The following TNS3 variants were observed in gnomAD, a reference collection of about 807,000 sequenced individuals.
TNS3 encodes tensin 3, also known as tensin-3.
TNS3 carries 45 observed loss-of-function variants against 140.9 expected under a neutral mutation model. The ratio of observed to expected loss-of-function variants is 0.32; its 90% CI spans 0.25 to 0.41. The LOEUF (loss-of-function observed/expected upper bound fraction) is 0.41, where lower values mean the gene tolerates loss of function less well. TNS3 is among the 10% of genes least tolerant of loss of function. The pLI, the probability that TNS3 is intolerant of heterozygous loss-of-function variation, is 1.00. For synonymous variants in TNS3, 815 were observed against 788.4 expected (o/e 1.03, Z -0.56); for missense variants, 1,716 against 1,906.7 (o/e 0.90, Z 1.86).
chr7:47,346,197 T>A lies in TNS3; in HGVS notation c.2441A>T (p.Asp814Val). The change falls in exon 18 of 31, where the codon GAC (aspartate) becomes GTC (valine). Residue 814 changes from aspartate to valine, a missense_variant. Around this residue, in one of 3 missense-constraint regions of TNS3, gnomAD observed 1,163 missense variants for 1,182.1 expected, o/e 0.98. Transcript: ENST00000311160. ...GGCTGTGGCACATACCTCTTTGACG[T>A]CCGCTGGTGAGGGGAATGGCGGCAG... is the stretch of plus-strand genomic sequence containing the variant. ...PNLPPFPSPA[D>V]VKETMTPGYP... 1 of 1,614,004 alleles carries A rather than the reference T, an allele frequency of 6.2e-7. No individual in the cohort carries two copies. Among genetic ancestry groups the A allele is most frequent in the Non-Finnish European group, 8.5e-7 (1 of 1,179,894 alleles).
chr7:47,580,657 T>C (rs897211101), intron 1 of TNS3, among the ~76,000 whole-genome samples: 8 of 145,844 alleles, frequency 5.5e-5, no homozygotes, highest in African/African-American at 1.5e-4. Flanking sequence ...CCTTTCTTAA[T>C]ACTTGTTGAT....
At chr7:47,567,889 A>G (rs1800465943) in intron 1 of TNS3, among the ~76,000 whole-genome samples, 4 of 152,170 alleles carry the variant, frequency 2.6e-5, no homozygotes, top group Admixed American at 2.0e-4. Context: ...CGTAGGTAAC[A>G]TCGATCAGTA....
At chr7:47,447,134 C>T (rs1191399777) in intron 4 of TNS3, among the ~76,000 whole-genome samples, 1 of 150,084 alleles carries the variant, frequency 6.7e-6, no homozygotes, top group Non-Finnish European at 1.5e-5. Flanking sequence ...GGATCAAACA[C>T]TTGGAGGTCA....
chr7:47,290,058 G>T (rs1349613689), intron 27 of TNS3, among the ~76,000 whole-genome samples: 6 of 152,172 alleles, frequency 3.9e-5, no homozygotes, highest in Middle Eastern at 3.2e-3. Context: ...GTCAATTAAA[G>T]AACTCGAAAG....
Position 47,400,473 on chromosome 7 carries a change from G to GTA in TNS3, c.854-17_854-16dup. The GTA allele has an allele frequency of 9.3e-6, 15 of 1,613,064 alleles. No homozygotes were observed. The highest frequency in any genetic ancestry group is 1.3e-5 in the Non-Finnish European group (15 of 1,179,054). ...AAAACGGTCATCTGAAAAAAACAAT[G>GTA]TATTTTAACACATTTGTGGAGACAA... On this transcript the variant is annotated splice_polypyrimidine_tract_variant and intron_variant, in intron 14 of 30. Coordinates refer to ENST00000311160, the MANE Select transcript of TNS3 (RefSeq NM_022748.12).
At chr7:47,281,286 C>T (rs760519935) in intron 28 of TNS3, among the ~76,000 whole-genome samples, 4 of 152,214 alleles carry the variant, frequency 2.6e-5, no homozygotes, top group Non-Finnish European at 5.9e-5. Flanking sequence ...GGGGCATTCT[C>T]CTCCGGCTCA....
chr7:47,465,856 G>A (rs975328839), intron 4 of TNS3, among the ~76,000 whole-genome samples: 2 of 150,398 alleles, frequency 1.3e-5, no homozygotes, highest in Admixed American at 6.6e-5. Flanking sequence ...CACAAGAGGC[G>A]GAGGTTGCTG....
intron 8 of TNS3, among the ~76,000 whole-genome samples, chr7:47,430,192 G>A (rs777381379): frequency 2.7e-5 from 4 of 149,842 alleles, no homozygotes; most frequent in Admixed American, 1.3e-4. Flanking sequence ...GCAATGGAAC[G>A]ATCTTGGCTC....
intron 20 of TNS3, among the ~76,000 whole-genome samples, chr7:47,343,806 T>C (rs1412678910): frequency 1.3e-5 from 2 of 152,246 alleles, no homozygotes; most frequent in Non-Finnish European, 2.9e-5. Context: ...AACTGCTATA[T>C]GCTACATATG....
chr7:47,471,945 C>T (rs548425088), intron 4 of TNS3, among the ~76,000 whole-genome samples: 10 of 152,340 alleles, frequency 6.6e-5, no homozygotes, highest in Admixed American at 1.3e-4. Flanking sequence ...TCAAACAAGG[C>T]ATGTGTTCTC....
At chr7:47,473,433 G>C (rs919388136) in intron 4 of TNS3, among the ~76,000 whole-genome samples, 3 of 152,200 alleles carry the variant, frequency 2.0e-5, no homozygotes, top group Non-Finnish European at 4.4e-5. Flanking sequence ...GACTCCTGAT[G>C]AGACACACAG....
chr7:47,465,036 G>A (rs368952734), intron 4 of TNS3, among the ~76,000 whole-genome samples: 4 of 152,282 alleles, frequency 2.6e-5, no homozygotes, highest in East Asian at 3.9e-4. Flanking sequence ...GATCTCCCTG[G>A]TGAGTGAGTT....
At chr7:47,481,513 G>A (rs1797417628) in intron 3 of TNS3, 2 of 310,264 alleles carry the variant, frequency 6.4e-6, no homozygotes, top group African/African-American at 4.5e-5. Context: ...AGAAGGAGGT[G>A]GAAGGCTCTG....
At chr7:47,300,688 G>C (rs780741126) in intron 23 of TNS3, among the ~76,000 whole-genome samples, 3 of 152,232 alleles carry the variant, frequency 2.0e-5, no homozygotes, top group African/African-American at 7.2e-5. Context: ...TAGAGTGGAA[G>C]GGTCTGTGCA....
Position 47,303,323 on chromosome 7 carries a change from T to G in TNS3, c.3084A>C (p.Gly1028=). 6.2e-7 allele frequency: 1 copy of G among 1,613,538 alleles called. No individual in the cohort carries two copies. Among genetic ancestry groups the G allele is most frequent in the Non-Finnish European group, 8.5e-7 (1 of 1,179,834 alleles). The part of the protein sequence containing the change: ...AFLGFGTAPV[G]SGLPPEEDLG... The stretch of plus-strand genomic sequence containing the variant: ...GGTCCTCCTCGGGCGGAAGGCCACT[T>G]CCCACTGGGGCGGTGCCGAAGCCCA... The change falls in exon 22 of 31, where the codon GGA becomes GGC. Residue 1028 remains glycine (G), a synonymous_variant. Transcript: ENST00000311160.
At chr7:47,379,019 G>A (rs763157927) in intron 16 of TNS3, among the ~76,000 whole-genome samples, 11 of 152,312 alleles carry the variant, frequency 7.2e-5, no homozygotes, top group Non-Finnish European at 1.5e-4. Flanking sequence ...TTCAGGCTCC[G>A]GCGCATGGAA....
intron 14 of TNS3, 151 bp downstream of exon 14, chr7:47,400,634 A>T: frequency 7.1e-7 from 1 of 1,404,926 alleles, no homozygotes; most frequent in Non-Finnish European, 9.7e-7. Context: ...TTTTTCCCCC[A>T]GGGATCAATG....
At chr7:47,427,754 G>C (rs1476696996) in intron 9 of TNS3, among the ~76,000 whole-genome samples, 1 of 152,202 alleles carries the variant, frequency 6.6e-6, no homozygotes, top group African/African-American at 2.4e-5. Context: ...TCCACTCCTA[G>C]GCTGTGAGAT....
intron 2 of TNS3, among the ~76,000 whole-genome samples, chr7:47,511,947 C>A (rs1000073545): frequency 1.3e-5 from 2 of 152,234 alleles, no homozygotes; most frequent in Non-Finnish European, 2.9e-5. Context: ...TTGGCTGCCA[C>A]GGTGCCTTCC....
Sources: gnomAD v4.1 joint callset for allele counts (sites outside exome capture counted in the v4.1 genomes callset) on GRCh38, gnomAD v4.1.1 for gene constraint, gnomAD v4.1.1 regional missense constraint, MANE v1.5 for transcripts, NCBI Gene and HGNC (gene_info 2026-07-23, HGNC 2026-07-21) for gene names.